FAM163B: variants seen among roughly 807,000 people sequenced by gnomAD.
The protein encoded by FAM163B is protein FAM163B.
FAM163B carries 4 observed loss-of-function variants against 7.6 expected under a neutral mutation model. That is an observed-to-expected ratio of 0.52 (90% confidence interval 0.26 to 1.20). The LOEUF (loss-of-function observed/expected upper bound fraction) is 1.20. Among genes scored for constraint, FAM163B ranks in the 50% most tolerant of loss-of-function variants. The probability of loss-of-function intolerance (pLI) is 0.14; values close to 1 mark genes in which losing one functional copy is unlikely to be tolerated. For missense variants in FAM163B, 250 were observed against 243.0 expected (o/e 1.03, Z -0.19); for synonymous variants, 120 against 111.6 (o/e 1.07, Z -0.47).
intron 1 of FAM163B, among the ~76,000 whole-genome samples, chr9:133,596,568 T>TGGTG (rs1831636143): frequency 6.6e-6 from 1 of 152,068 alleles, no homozygotes; most frequent in Non-Finnish European, 1.5e-5. Context: ...GAGGGCCCTG[T>TGGTG]GGTGGCCCCA....
intron 1 of FAM163B, among the ~76,000 whole-genome samples, chr9:133,593,552 A>G (rs980552253): frequency 1.3e-5 from 2 of 152,256 alleles, no homozygotes; most frequent in East Asian, 3.9e-4. Context: ...TGCTGTGTCC[A>G]TATCTGCCTG....
At position 133,601,040 on chromosome 9, in the gene FAM163B, G is replaced by A. The variant is rs928562287; in HGVS notation, c.-24+8037C>T. Among the ~76,000 whole-genome samples the A allele has an allele frequency of 5.9e-5, 9 of 152,212 alleles. No individual in the cohort carries two copies. In the South Asian group the frequency reaches 1.0e-3, roughly 18 times the overall value. ...GAGGACCCCTGGGAGGGCCCTACCC[G>A]CCTGCAAGCTCTCTGGGAGCAGGGC... On this transcript the variant is annotated intron_variant, in intron 1 of 2. Transcript: ENST00000673969. This position sits in a 1 kb window ranked among gnomAD's most constrained non-coding sequence, Gnocchi z 4.1.
chr9:133,588,015 T>C (rs1831467887), intron 1 of FAM163B, among the ~76,000 whole-genome samples: 1 of 151,824 alleles, frequency 6.6e-6, no homozygotes, highest in African/African-American at 2.4e-5. Context: ...GGGAGCCCAG[T>C]GCTCACCAGG....
rs1831281596 is a variant in FAM163B at position 133,578,170 on chromosome 9, T to C, written c.*852A>G. ...TCGGGGGTTTTCAACCCCTGGGCCA[T>C]GGCTCTGCCCCTGACGAGCCCCGGG... On this transcript the variant is annotated 3_prime_UTR_variant, in exon 3 of 3. Transcript: ENST00000673969. 4.4e-5 allele frequency among the ~76,000 whole-genome samples: 3 copies of C among 67,984 alleles called. No homozygotes were observed. Among genetic ancestry groups the C allele is most frequent in the South Asian group, 8.4e-4 (2 of 2,392 alleles). The allele number at this position is 67,984 out of a possible 152,430, so 44.6% of individuals were successfully genotyped here. A position where few individuals can be genotyped will look rare whatever the true frequency, so the allele number is the denominator to read the frequency against.
In FAM163B at chr9:133,609,209, G is replaced by C. The variant is rs1262317797; in HGVS notation, c.-156C>G. Among the ~76,000 whole-genome samples the C allele has an allele frequency of 6.6e-6, 1 of 151,546 alleles. No individual in the cohort carries two copies. Among genetic ancestry groups the C allele is most frequent in the Non-Finnish European group, 1.5e-5 (1 of 67,836 alleles). ...GCCCAGGCCACGGCGGTGGCGCCTG[G>C]TGTGGCTGGGCGGGCGAGGCGGGCG... On this transcript the variant is annotated 5_prime_UTR_variant, in exon 1 of 3. Transcript: ENST00000673969.
chr9:133,603,725 C>T (rs1007375243), intron 1 of FAM163B, among the ~76,000 whole-genome samples: 4 of 152,236 alleles, frequency 2.6e-5, no homozygotes, highest in African/African-American at 9.6e-5. Flanking sequence ...CTCCAGGAAG[C>T]CTTCCCTGCC....
In FAM163B at chr9:133,603,578, G is replaced by T. The variant is rs570789619; in HGVS notation, c.-24+5499C>A. 3.3e-5 allele frequency among the ~76,000 whole-genome samples: 5 copies of T among 152,362 alleles called. No homozygotes were observed. In the South Asian group the frequency reaches 1.0e-3, roughly 32 times the overall value. The stretch of plus-strand genomic sequence containing the variant: ...AAGAGGAAATTCAGGGGCATCTTTA[G>T]CGGGGCCACTGCTCATTAGCCAAAG... On this transcript the variant is annotated intron_variant, in intron 1 of 2. Transcript: ENST00000673969.
chr9:133,578,719 T>C lies in FAM163B; in HGVS notation c.*303A>G. On this transcript the variant is annotated 3_prime_UTR_variant, in exon 3 of 3. Coordinates refer to ENST00000673969, the MANE Select transcript of FAM163B (RefSeq NM_001080515.3). ...GGTTGTTGGGTCTGAGACAGAATCA[T>C]CAGGAGTAACGGTGGCCTCTGTGCC... 1 of 402,234 alleles carries C rather than the reference T, an allele frequency of 2.5e-6. No homozygotes were observed. Among genetic ancestry groups the C allele is most frequent in the Admixed American group, 4.1e-5 (1 of 24,366 alleles). The allele number at this position is 402,234 out of a possible 1,614,324, so 24.9% of individuals were successfully genotyped here.
At chr9:133,603,053 GGGGT>G in intron 1 of FAM163B, among the ~76,000 whole-genome samples, 1 of 152,224 alleles carries the variant, frequency 6.6e-6, no homozygotes, top group Non-Finnish European at 1.5e-5. Context: ...AAGGGCACCT[GGGGT>G]GGGCAGGTGC....
In FAM163B at chr9:133,600,209, G is replaced by C. The variant is rs1467463299; in HGVS notation, c.-24+8868C>G. Among the ~76,000 whole-genome samples, 1 of 150,272 alleles carries C rather than the reference G, an allele frequency of 6.7e-6. No homozygotes were observed. The highest frequency in any genetic ancestry group is 1.5e-5 in the Non-Finnish European group (1 of 67,562). The stretch of plus-strand genomic sequence containing the variant: ...ATGTGGGAATGTGGTCTGTGTGAGT[G>C]TGTGTGTGTGGGGGGGAATGTGGTC... On this transcript the variant is annotated intron_variant, in intron 1 of 2. Transcript: ENST00000673969. This position sits in a 1 kb window ranked among gnomAD's most constrained non-coding sequence, Gnocchi z 4.9.
At position 133,601,985 on chromosome 9, in the gene FAM163B, G is replaced by T. The variant is rs1026600998; in HGVS notation, c.-24+7092C>A. 6.6e-6 allele frequency among the ~76,000 whole-genome samples: 1 copy of T among 152,304 alleles called. No individual in the cohort carries two copies. The highest frequency in any genetic ancestry group is 1.5e-5 in the Non-Finnish European group (1 of 68,012). ...CAGCAGGGAAGCTGGGGGCTGGCAG[G>T]GTCTGTCCTGGGTGGGGCTCCACGG... is the stretch of plus-strand genomic sequence containing the variant. On this transcript the variant is annotated intron_variant, in intron 1 of 2. Transcript: ENST00000673969. This position sits in a 1 kb window ranked among gnomAD's most constrained non-coding sequence, Gnocchi z 4.1.
Position 133,607,033 on chromosome 9 carries a change from G to A in FAM163B, c.-24+2044C>T, listed in dbSNP as rs761323628. ...ATCATGTGAGTAGGGAGTAGGGTTG[G>A]CACGGACTGGGGGCTTGGACTCAGG... On this transcript the variant is annotated intron_variant, in intron 1 of 2. Transcript: ENST00000673969. Among the ~76,000 whole-genome samples, 27 of 152,294 alleles carry A rather than the reference G, an allele frequency of 1.8e-4. No individual in the cohort carries two copies. The Middle Eastern group carries it at 0.01, about 58-fold the overall frequency.
In FAM163B at chr9:133,601,564, C is replaced by T. The variant is rs1831730162; in HGVS notation, c.-24+7513G>A. Among the ~76,000 whole-genome samples the T allele has an allele frequency of 2.6e-5, 4 of 152,202 alleles. No individual in the cohort carries two copies. The South Asian group carries it at 8.3e-4, about 32-fold the overall frequency. On this transcript the variant is annotated intron_variant, in intron 1 of 2. Transcript: ENST00000673969. This position sits in a 1 kb window ranked among gnomAD's most constrained non-coding sequence, Gnocchi z 4.1. Reference sequence around the variant, plus strand: ...CCCCATAACTGGAGAATTTCGGGTGCCACATGGGTCAGACGCAGCTACCCC... The same window carrying T: ...CCCCATAACTGGAGAATTTCGGGTGTCACATGGGTCAGACGCAGCTACCCC...
intron 1 of FAM163B, among the ~76,000 whole-genome samples, chr9:133,585,766 G>A (rs1438604020): frequency 2.0e-5 from 3 of 152,192 alleles, no homozygotes; most frequent in East Asian, 1.9e-4. Context: ...CAGGTGAGGC[G>A]GGCGCCCTCC....
Position 133,579,427 on chromosome 9 carries a change from G to A in FAM163B, c.96C>T (p.Tyr32=). 6.3e-7 allele frequency: 1 copy of A among 1,594,614 alleles called. No homozygotes were observed. The highest frequency in any genetic ancestry group is 1.7e-5 in the Admixed American group (1 of 57,814). ...CCGACTCGTCCTTCTTGCAGCAGTA[G>A]TACTGCGGGCAGAGGGACGGTGACC... ...IAVLCYCRLQ[Y]YCCKKDESEE... is the part of the protein sequence containing the mutation. The change falls in exon 3 of 3, where the codon TAC becomes TAT. Residue 32 remains tyrosine (Y), a splice_region_variant and synonymous_variant. Coordinates refer to ENST00000673969, the MANE Select transcript of FAM163B (RefSeq NM_001080515.3).
Position 133,579,162 on chromosome 9 carries a change from C to G in FAM163B, c.361G>C (p.Val121Leu). The G allele has an allele frequency of 6.2e-7, 1 of 1,610,512 alleles. No individual in the cohort carries two copies. Among genetic ancestry groups the G allele is most frequent in the Non-Finnish European group, 8.5e-7 (1 of 1,179,778 alleles). ...TCCTGGCTCACGCTCTTGTAGAGCA[C>G]GCGCTCCCCGCCGTTCAGCACGTCC... Reference protein sequence around the residue: ...EEDVLNGGERVLYKSVSQEDV... With the variant: ...EEDVLNGGERLLYKSVSQEDV... The change falls in exon 3 of 3, where the codon GTG becomes CTG. Residue 121 changes from valine (V) to leucine (L), a missense_variant. Coordinates refer to ENST00000673969, the MANE Select transcript of FAM163B (RefSeq NM_001080515.3).
intron 1 of FAM163B, among the ~76,000 whole-genome samples, chr9:133,586,886 G>A (rs967753661): frequency 9.7e-5 from 14 of 144,686 alleles, no homozygotes; most frequent in Admixed American, 2.7e-4. Context: ...CATTCATCTC[G>A]TCTCACCCTG....
At position 133,579,403 on chromosome 9, in the gene FAM163B, C is replaced by T. The variant is rs1050802025; in HGVS notation, c.120G>A (p.Ser40=). Residue 40 remains serine, a synonymous_variant, in exon 3 of 3, where the codon TCG becomes TCA. Coordinates refer to ENST00000673969, the MANE Select transcript of FAM163B (RefSeq NM_001080515.3). The stretch of plus-strand genomic sequence containing the variant: ...AGTCTGGTTCCTCCTCGTCCTCCTC[C>T]GACTCGTCCTTCTTGCAGCAGTAGT... ...LQYYCCKKDE[S]EEDEEEPDFA... 4.5e-5 allele frequency: 72 copies of T among 1,607,156 alleles called. No individual in the cohort carries two copies. The highest frequency in any genetic ancestry group is 3.3e-4 in the Middle Eastern group (2 of 6,052).
intron 1 of FAM163B, among the ~76,000 whole-genome samples, chr9:133,589,008 C>A (rs1588326356): frequency 6.6e-6 from 1 of 152,156 alleles, no homozygotes; most frequent in Non-Finnish European, 1.5e-5. Flanking sequence ...GTCTCTCTGT[C>A]AGGCCCTACA....
Sources: gnomAD v4.1 joint callset for allele counts (sites outside exome capture counted in the v4.1 genomes callset) on GRCh38, gnomAD v4.1.1 for gene constraint, Gnocchi (gnomAD v3.1) non-coding constraint, MANE v1.5 for transcripts, NCBI Gene and HGNC (gene_info 2026-07-23, HGNC 2026-07-21) for gene names.